SNX31: variants seen among roughly 807,000 people sequenced by gnomAD.
The protein encoded by SNX31 is sorting nexin-31.
A neutral mutation model predicts 65.4 loss-of-function variants in SNX31; 58 were observed. The ratio of observed to expected loss-of-function variants is 0.89; its 90% CI spans 0.72 to 1.10. The LOEUF (loss-of-function observed/expected upper bound fraction) is 1.10. Ranked by LOEUF, SNX31 falls within the 50% of genes least tolerant of loss-of-function variation. The probability of loss-of-function intolerance (pLI) is 0.00; values close to 1 mark genes in which losing one functional copy is unlikely to be tolerated. For missense variants in SNX31, 523 were observed against 529.7 expected, an observed-to-expected ratio of 0.99 and a Z score of 0.12; for synonymous variants, 181 against 190.1, an observed-to-expected ratio of 0.95 and a Z score of 0.39.
At chr8:100,641,232 A>C (rs1279720274) in intron 2 of SNX31, among the ~76,000 whole-genome samples, 6 of 151,914 alleles carry the variant, frequency 3.9e-5, no homozygotes, top group Admixed American at 1.3e-4. Context: ...CCTGATCCTC[A>C]TCTCTCATTT....
chr8:100,634,137 C>G (rs1294366287), intron 3 of SNX31, among the ~76,000 whole-genome samples: 1 of 152,128 alleles, frequency 6.6e-6, no homozygotes. Flanking sequence ...CCTCAACATC[C>G]TCTTTTCCGT....
intron 10 of SNX31, among the ~76,000 whole-genome samples, chr8:100,590,665 C>T (rs1311236928): frequency 1.3e-5 from 2 of 151,998 alleles, no homozygotes; most frequent in Non-Finnish European, 1.5e-5. Flanking sequence ...GCCTGTAATC[C>T]CAGCTACTCG....
At chr8:100,616,017 G>A (rs978843763) in intron 5 of SNX31, among the ~76,000 whole-genome samples, 17 of 151,970 alleles carry the variant, frequency 1.1e-4, no homozygotes, top group Admixed American at 3.9e-4. Flanking sequence ...CTCGTGATCC[G>A]CCCACCTTGG....
intron 10 of SNX31, among the ~76,000 whole-genome samples, chr8:100,591,373 T>C (rs969496624): frequency 2.0e-5 from 3 of 151,472 alleles, no homozygotes; most frequent in African/African-American, 4.9e-5. Context: ...CCTGTAGTCG[T>C]AGCTACTCGG....
chr8:100,649,712 C>A, upstream of SNX31: 1 of 477,946 alleles, frequency 2.1e-6, no homozygotes, highest in Non-Finnish European at 3.6e-6. Context: ...GTCCCCGCCC[C>A]ATCCAGCCCC....
intron 10 of SNX31, among the ~76,000 whole-genome samples, chr8:100,596,015 T>TA (rs545590232): frequency 2.0e-5 from 3 of 152,284 alleles, no homozygotes; most frequent in Admixed American, 2.0e-4. Context: ...TGAGCCCAGC[T>TA]AAAAAATCGC....
chr8:100,645,714 C>T (rs972352715), intron 2 of SNX31, among the ~76,000 whole-genome samples: 5 of 149,830 alleles, frequency 3.3e-5, no homozygotes, highest in African/African-American at 7.4e-5. Flanking sequence ...CAGGCTCAAG[C>T]GATCCTCCCA....
chr8:100,597,684 C>T (rs1013702929), intron 9 of SNX31, among the ~76,000 whole-genome samples: 6 of 152,224 alleles, frequency 3.9e-5, no homozygotes, highest in African/African-American at 1.4e-4. Flanking sequence ...ACGAGCTGGT[C>T]TGCTTTCTAA....
At chr8:100,597,349 A>C (rs62513871) in intron 9 of SNX31, among the ~76,000 whole-genome samples, 12,014 of 151,818 alleles carry the variant, frequency 0.079, 563 homozygotes, top group African/African-American at 0.12. Flanking sequence ...TCAAGTGATT[A>C]TCCTGCCTCA....
upstream of SNX31, among the ~76,000 whole-genome samples, chr8:100,653,620 G>C (rs1430509684): frequency 6.6e-6 from 1 of 152,184 alleles, no homozygotes; most frequent in African/African-American, 2.4e-5. Flanking sequence ...GAGAGAGCAC[G>C]GCTCTGCCGA....
In SNX31 at chr8:100,660,051, A is replaced by G. The variant is rs1166313406; in HGVS notation, c.-58+3091T>C. On this transcript the variant is annotated intron_variant, in intron 1 of 5. Transcript: ENST00000520352. This position sits in a 1 kb window ranked among gnomAD's most constrained non-coding sequence, Gnocchi z 4.1. ...CTTAGGAACTACAGGAGAAAAAAGA[A>G]TGAAAATATGATTAAGATCACTCTT... is the stretch of plus-strand genomic sequence containing the variant. Among the ~76,000 whole-genome samples the G allele has an allele frequency of 6.6e-6, 1 of 152,240 alleles. No homozygotes were observed. The highest frequency in any genetic ancestry group is 2.4e-5 in the African/African-American group (1 of 41,470).
chr8:100,662,307 G>A (rs552385083), intron 1 of SNX31, among the ~76,000 whole-genome samples: 4 of 152,224 alleles, frequency 2.6e-5, no homozygotes, highest in Non-Finnish European at 5.9e-5. Flanking sequence ...CAACTGTCAT[G>A]TTAAACTGCT....
Position 100,611,742 on chromosome 8 carries a change from G to T in SNX31, c.611+258C>A, listed in dbSNP as rs112847979. On this transcript the variant is annotated intron_variant, in intron 7 of 13. Transcript: ENST00000311812. Reference sequence around the variant, plus strand: ...GCTAATTTTTTTGATTTTTAGTGGAGATGAGGTCTTGCTATGTTGCCCAGG... The same window carrying T: ...GCTAATTTTTTTGATTTTTAGTGGATATGAGGTCTTGCTATGTTGCCCAGG... Among the ~76,000 whole-genome samples the T allele has an allele frequency of 6.5e-3, 989 of 152,236 alleles. 16 individuals carry two copies. Among genetic ancestry groups the T allele is most frequent in the African/African-American group, 0.023 (950 of 41,530 alleles).
intron 2 of SNX31, among the ~76,000 whole-genome samples, chr8:100,644,472 C>G (rs1037599902): frequency 3.5e-5 from 4 of 113,628 alleles, no homozygotes; most frequent in African/African-American, 1.5e-4. Context: ...TATCTAAAGG[C>G]ACAGAAAATG....
intron 4 of SNX31, among the ~76,000 whole-genome samples, chr8:100,621,908 C>G (rs141879653): frequency 6.6e-6 from 1 of 152,284 alleles, no homozygotes; most frequent in Non-Finnish European, 1.5e-5. Flanking sequence ...GCAGGGTCCT[C>G]GCCTTCAGCT....
chr8:100,591,232 C>T (rs1417234218), intron 10 of SNX31, among the ~76,000 whole-genome samples: 1 of 152,106 alleles, frequency 6.6e-6, no homozygotes, highest in Non-Finnish European at 1.5e-5. Context: ...AGTTCATGTT[C>T]CCATTGGCCA....
chr8:100,661,058 T>C (rs1587117627), intron 1 of SNX31, among the ~76,000 whole-genome samples: 1 of 147,594 alleles, frequency 6.8e-6, no homozygotes, highest in South Asian at 2.1e-4. Flanking sequence ...CAGGCTGGAG[T>C]GCAGTGGCGT....
At chr8:100,600,277 A>C in intron 9 of SNX31, 72 bp downstream of exon 9, 1 of 1,324,554 alleles carries the variant, frequency 7.5e-7, no homozygotes, top group East Asian at 2.3e-5. Context: ...TCAGTTACAG[A>C]AACAGTTCAA....
chr8:100,638,494 A>T (rs1818931763), intron 2 of SNX31, among the ~76,000 whole-genome samples: 1 of 152,208 alleles, frequency 6.6e-6, no homozygotes, highest in South Asian at 2.1e-4. Flanking sequence ...AATGGTTATT[A>T]ACTGCCTGCC....
Sources: gnomAD v4.1 joint callset for allele counts (sites outside exome capture counted in the v4.1 genomes callset) on GRCh38, gnomAD v4.1.1 for gene constraint, Gnocchi (gnomAD v3.1) non-coding constraint, MANE v1.5 for transcripts, NCBI Gene and HGNC (gene_info 2026-07-23, HGNC 2026-07-21) for gene names.